ZHX3: variants seen among roughly 807,000 people sequenced by gnomAD.
The protein encoded by ZHX3 is zinc fingers and homeoboxes protein 3.
Under a neutral mutation model 64.5 loss-of-function variants are expected in ZHX3, and 20 were observed. The ratio of observed to expected loss-of-function variants is 0.31; its 90% CI spans 0.22 to 0.45. The LOEUF (loss-of-function observed/expected upper bound fraction) is 0.45, where lower values mean the gene tolerates loss of function less well. Ranked by LOEUF, ZHX3 falls within the 20% of genes least tolerant of loss-of-function variation. The probability of loss-of-function intolerance (pLI) is 1.00; values close to 1 mark genes in which losing one functional copy is unlikely to be tolerated. For missense variants in ZHX3, 1,041 were observed against 1,195.8 expected, an observed-to-expected ratio of 0.87 and a Z score of 1.91; for synonymous variants, 423 against 461.6, an observed-to-expected ratio of 0.92 and a Z score of 1.07.
In ZHX3 at chr20:41,203,876, C is replaced by T; in HGVS notation, c.1041G>A (p.Gln347=). The part of the protein sequence containing the change: ...LTVVTKYPEE[Q]LKIWFTAQRL... ...TTTGGGCTGTGAACCAGATCTTGAG[C>T]TGTTCTTCTGGATACTTGGTCACCA... Residue 347 remains glutamine, a synonymous_variant, in exon 3 of 4, where the codon CAG becomes CAA. Coordinates refer to ENST00000683867, the MANE Select transcript of ZHX3 (RefSeq NM_001384317.1). This position sits in a 1 kb window ranked among gnomAD's most constrained non-coding sequence, Gnocchi z 7.1. 9 of 1,614,236 alleles carry T rather than the reference C, an allele frequency of 5.6e-6. No individual in the cohort carries two copies. Among genetic ancestry groups the T allele is most frequent in the Non-Finnish European group, 7.6e-6 (9 of 1,180,024 alleles).
At chr20:41,238,596 T>C (rs912628966) in intron 2 of ZHX3, 1 of 152,228 alleles carries the variant, frequency 6.6e-6, no homozygotes, top group Non-Finnish European at 1.5e-5. Context: ...ACAAATTCAG[T>C]ATTTTTAGTA....
At chr20:41,244,024 C>G (rs1452147874) in intron 2 of ZHX3, among the ~76,000 whole-genome samples, 3 of 152,038 alleles carry the variant, frequency 2.0e-5, no homozygotes, top group Admixed American at 6.6e-5. Flanking sequence ...TTTTTATTGA[C>G]ATTTAGGGCT....
In ZHX3 at chr20:41,203,688, A is replaced by G. The variant is rs144460022; in HGVS notation, c.1229T>C (p.Leu410Pro). 3.4e-4 allele frequency: 541 copies of G among 1,614,110 alleles called. No homozygotes were observed. Among genetic ancestry groups the G allele is most frequent in the Non-Finnish European group, 4.3e-4 (508 of 1,180,034 alleles). The change falls in exon 3 of 4, where the codon CTT becomes CCT. Residue 410 changes from leucine to proline, a missense_variant. Leu to Pro is a moderately conservative substitution (Grantham distance 98, BLOSUM62 -3). This residue lies in a region of ZHX3 where 649 missense variants were observed against 739.8 expected (regional missense o/e 0.88). Transcript: ENST00000683867. The surrounding 1 kb of genome is among the most constrained non-coding windows in gnomAD (Gnocchi z 7.1). ...GNVQHLIQAALPGHVVGQPEG... is the reference protein window; with the variant it reads ...GNVQHLIQAAPPGHVVGQPEG... ...TGGCTGCCCCACAACGTGACCTGGA[A>G]GAGCGGCCTGGATGAGATGCTGGAC...
intron 2 of ZHX3, among the ~76,000 whole-genome samples, chr20:41,263,456 G>A (rs1254569997): frequency 1.3e-5 from 2 of 150,154 alleles, no homozygotes; most frequent in African/African-American, 2.5e-5. Context: ...GTGCAGTGGC[G>A]TGATCTCGGC....
intron 2 of ZHX3, among the ~76,000 whole-genome samples, chr20:41,231,445 CT>C (rs1437399578): frequency 6.6e-6 from 1 of 152,198 alleles, no homozygotes; most frequent in Non-Finnish European, 1.5e-5. Context: ...CTTTAACCCC[CT>C]CCCTCACCTG....
intron 1 of ZHX3, among the ~76,000 whole-genome samples, chr20:41,307,956 A>G (rs1271967250): frequency 6.6e-6 from 1 of 152,190 alleles, no homozygotes; most frequent in Non-Finnish European, 1.5e-5. Flanking sequence ...TTTTCAACTA[A>G]GGTACCTAGT....
chr20:41,232,651 G>A lies in ZHX3; in HGVS notation c.-150-27585C>T, dbSNP rs2040692415. On this transcript the variant is annotated intron_variant, in intron 2 of 3. Coordinates refer to ENST00000683867, the MANE Select transcript of ZHX3 (RefSeq NM_001384317.1). The surrounding 1 kb of genome is among the most constrained non-coding windows in gnomAD (Gnocchi z 5.0). Reference sequence around the variant, plus strand: ...GTCGCCCAGGCTGGAGTGCAGTGGCGCAATCTCGGCTCATTGCAAGCTCCG... The same window carrying A: ...GTCGCCCAGGCTGGAGTGCAGTGGCACAATCTCGGCTCATTGCAAGCTCCG... 6.6e-6 allele frequency among the ~76,000 whole-genome samples: 1 copy of A among 151,970 alleles called. No homozygotes were observed. The highest frequency in any genetic ancestry group is 2.1e-4 in the South Asian group (1 of 4,822).
At position 41,261,370 on chromosome 20, in the gene ZHX3, C is replaced by CA. The variant is rs1267422929; in HGVS notation, c.-151+7619dup. Reference sequence around the variant, plus strand: ...AAACAAACAAAAATGATGCCACCCCCAGACCAAGTGGCCTCATCATTCATC... The same window carrying CA: ...AAACAAACAAAAATGATGCCACCCCCAAGACCAAGTGGCCTCATCATTCATC... On this transcript the variant is annotated intron_variant, in intron 2 of 3. Transcript: ENST00000683867. Among the ~76,000 whole-genome samples the CA allele has an allele frequency of 4.6e-5, 7 of 152,186 alleles. No individual in the cohort carries two copies. The East Asian group carries it at 1.3e-3, about 29-fold the overall frequency.
chr20:41,276,261 CT>C (rs10711191), intron 1 of ZHX3, among the ~76,000 whole-genome samples: 27,191 of 151,740 alleles, frequency 0.18, 4,007 homozygotes, highest in African/African-American at 0.41. Context: ...TTTTCTTTTT[CT>C]TTTTTTTAAA....
chr20:41,294,638 C>CA (rs1435167570), intron 1 of ZHX3, among the ~76,000 whole-genome samples: 1 of 151,374 alleles, frequency 6.6e-6, no homozygotes, highest in Non-Finnish European at 1.5e-5. Flanking sequence ...GCTGGGATTA[C>CA]AGGCATGAGC....
rs982260805 is a variant in ZHX3, at chr20:41,202,160, G to C, written c.2757C>G (p.Thr919=). 3 of 1,614,040 alleles carry C rather than the reference G, an allele frequency of 1.9e-6. No individual in the cohort carries two copies. The highest frequency in any genetic ancestry group is 2.5e-6 in the Non-Finnish European group (3 of 1,180,036). ...CACTGTTCTCAGACACCTCTGAATA[G>C]GTGTCACCCATCCCTTTGTGAACTG... ...LTAVHKGMGD[T]YSEVSENSES... is the part of the protein sequence containing the mutation. The change falls in exon 3 of 4, where the codon ACC becomes ACG. Residue 919 remains threonine, a synonymous_variant. Coordinates refer to ENST00000683867, the MANE Select transcript of ZHX3 (RefSeq NM_001384317.1). This position sits in a 1 kb window ranked among gnomAD's most constrained non-coding sequence, Gnocchi z 7.0.
chr20:41,204,974 T>C lies in ZHX3; in HGVS notation c.-58A>G, dbSNP rs1290976205. ...GCTTGTCCCATAAGGGGCCTAACAA[T>C]ACAAGTTCCAGCTTCTCGATGAGGG... is the stretch of plus-strand genomic sequence containing the variant. On this transcript the variant is annotated 5_prime_UTR_variant, in exon 3 of 4. Transcript: ENST00000683867. This position sits in a 1 kb window ranked among gnomAD's most constrained non-coding sequence, Gnocchi z 6.6. 6.1e-6 allele frequency: 9 copies of C among 1,472,120 alleles called. No individual in the cohort carries two copies. Among genetic ancestry groups the C allele is most frequent in the Non-Finnish European group, 7.2e-6 (8 of 1,111,362 alleles). The allele number at this position is 1,472,120 out of a possible 1,614,324, so 91.2% of individuals were successfully genotyped here.
intron 3 of ZHX3, among the ~76,000 whole-genome samples, chr20:41,199,836 G>A (rs1422972473): frequency 1.3e-5 from 2 of 152,064 alleles, no homozygotes; most frequent in Non-Finnish European, 2.9e-5. Flanking sequence ...AAATAGCTGG[G>A]ATTACAGGCA....
intron 3 of ZHX3, among the ~76,000 whole-genome samples, chr20:41,194,879 T>C (rs1004928742): frequency 6.6e-6 from 1 of 152,192 alleles, no homozygotes; most frequent in Non-Finnish European, 1.5e-5. Flanking sequence ...TGTGAAAATA[T>C]CTTATATTCA....
At chr20:41,256,706 C>CAGAG (rs2042271665) in intron 2 of ZHX3, among the ~76,000 whole-genome samples, 1 of 151,040 alleles carries the variant, frequency 6.6e-6, no homozygotes, top group South Asian at 2.1e-4. Context: ...CCTTCACGGA[C>CAGAG]AGAGCCAGGT....
intron 1 of ZHX3, among the ~76,000 whole-genome samples, chr20:41,274,258 T>G (rs887586347): frequency 9.2e-5 from 14 of 152,234 alleles, no homozygotes; most frequent in African/African-American, 3.1e-4. Flanking sequence ...CAGTTCCCAG[T>G]AGAGGAACAG....
Position 41,204,701 on chromosome 20 carries a change from T to C in ZHX3, c.216A>G (p.Leu72=), listed in dbSNP as rs1381725528. 1.9e-6 allele frequency: 3 copies of C among 1,614,272 alleles called. No homozygotes were observed. The highest frequency in any genetic ancestry group is 2.5e-6 in the Non-Finnish European group (3 of 1,180,050). Residue 72 remains leucine, a synonymous_variant, in exon 3 of 4, where the codon TTA becomes TTG. Coordinates refer to ENST00000683867, the MANE Select transcript of ZHX3 (RefSeq NM_001384317.1). This position sits in a 1 kb window ranked among gnomAD's most constrained non-coding sequence, Gnocchi z 6.6. ...STLANGHRST[L]DGYLYSCKYC... ...ATTTACAGGAATATAAATAGCCATC[T>C]AAAGTGCTCCGATGCCCATTGGCCA... is the stretch of plus-strand genomic sequence containing the variant.
chr20:41,266,482 ATTC>A (rs2042853748), intron 2 of ZHX3, among the ~76,000 whole-genome samples: 1 of 150,710 alleles, frequency 6.6e-6, no homozygotes. Context: ...TGACCATAAT[ATTC>A]TTCTTTCAGG....
intron 1 of ZHX3, among the ~76,000 whole-genome samples, chr20:41,297,427 C>T (rs1457256548): frequency 6.6e-6 from 1 of 152,188 alleles, no homozygotes; most frequent in Non-Finnish European, 1.5e-5. Flanking sequence ...CAGTGAGTCC[C>T]AGTTTTATCT....
Sources: allele counts gnomAD v4.1 joint callset (sites outside exome capture counted in the v4.1 genomes callset), GRCh38; gene constraint gnomAD v4.1.1; regional missense constraint gnomAD v4.1.1; non-coding constraint Gnocchi (gnomAD v3.1); transcripts MANE v1.5; gene names NCBI Gene and HGNC (gene_info 2026-07-23, HGNC 2026-07-21).